Variants in PTPRT observed in about 807,000 individuals in gnomAD.
PTPRT encodes the protein receptor-type tyrosine-protein phosphatase T.
In PTPRT, 56 loss-of-function variants were observed where a neutral mutation model predicts 176.8. The observed-to-expected ratio is 0.32, with a 90% CI of 0.26 to 0.40. PTPRT has a LOEUF of 0.40. Among genes scored for constraint, PTPRT ranks in the 10% least tolerant of loss-of-function variants. PTPRT has a pLI of 1.00. For synonymous variants in PTPRT, 783 were observed against 739.0 expected, an observed-to-expected ratio of 1.06 and a Z score of -0.96; for missense variants, 1,540 against 1,908.2, an observed-to-expected ratio of 0.81 and a Z score of 3.60.
At chr20:42,696,529 CA>C (rs1426171374) in intron 6 of PTPRT, among the ~76,000 whole-genome samples, 1 of 150,838 alleles carries the variant, frequency 6.6e-6, no homozygotes, top group East Asian at 2.0e-4. Context: ...GATCTCGGCT[CA>C]CTGCAAGCTC....
intron 16 of PTPRT, among the ~76,000 whole-genome samples, chr20:42,182,812 G>A (rs547562538): frequency 3.3e-5 from 5 of 152,108 alleles, no homozygotes; most frequent in African/African-American, 1.2e-4. Context: ...TTTCAAGAAT[G>A]GAATGCCGTA....
intron 9 of PTPRT, among the ~76,000 whole-genome samples, chr20:42,405,123 C>A (rs1229673844): frequency 6.6e-6 from 1 of 150,520 alleles, no homozygotes; most frequent in East Asian, 1.9e-4. Context: ...ACAAATTGTT[C>A]ATTTGGCTAA....
chr20:42,319,249 C>T (rs1177886108), intron 11 of PTPRT, among the ~76,000 whole-genome samples: 1 of 147,394 alleles, frequency 6.8e-6, no homozygotes, highest in African/African-American at 2.6e-5. Context: ...TCATTCATAG[C>T]TCAGTATCCT....
At chr20:42,592,432 T>G (rs2073596539) in intron 7 of PTPRT, among the ~76,000 whole-genome samples, 1 of 152,148 alleles carries the variant, frequency 6.6e-6, no homozygotes, top group African/African-American at 2.4e-5. Flanking sequence ...AGGAACAAAA[T>G]GAAAGCATCA....
chr20:43,114,646 G>C (rs182096929), intron 1 of PTPRT, among the ~76,000 whole-genome samples: 2 of 152,222 alleles, frequency 1.3e-5, no homozygotes, highest in Non-Finnish European at 2.9e-5. Flanking sequence ...ATATTATAGA[G>C]AACATTTGGC....
intron 7 of PTPRT, among the ~76,000 whole-genome samples, chr20:42,664,317 CA>C (rs2075276452): frequency 6.6e-6 from 1 of 152,142 alleles, no homozygotes; most frequent in African/African-American, 2.4e-5. Flanking sequence ...TTTCCCACAC[CA>C]GTTTACTAAC....
At chr20:42,554,564 A>C (rs527266362) in intron 7 of PTPRT, among the ~76,000 whole-genome samples, 11 of 152,166 alleles carry the variant, frequency 7.2e-5, no homozygotes, top group Admixed American at 1.3e-4. Flanking sequence ...GGGATGAATA[A>C]ATATTTAAAA....
chr20:42,346,603 G>C (rs1015917268), intron 11 of PTPRT, among the ~76,000 whole-genome samples: 2 of 151,702 alleles, frequency 1.3e-5, no homozygotes, highest in Non-Finnish European at 2.9e-5. Context: ...AGGGATGAGG[G>C]TGCGGGAGCC....
At chr20:42,129,246 TC>T (rs1402233393) in intron 18 of PTPRT, among the ~76,000 whole-genome samples, 1 of 152,244 alleles carries the variant, frequency 6.6e-6, no homozygotes, top group Non-Finnish European at 1.5e-5. Flanking sequence ...TTACCTATCT[TC>T]CACACATGCA....
intron 7 of PTPRT, among the ~76,000 whole-genome samples, chr20:42,597,706 A>G (rs897421255): frequency 6.6e-6 from 1 of 152,180 alleles, no homozygotes; most frequent in Non-Finnish European, 1.5e-5. Flanking sequence ...TGCTTCCTGT[A>G]CAGCCTGTGG....
In PTPRT at chr20:42,443,090, A is replaced by T. The variant is rs6016795; in HGVS notation, c.1560+5130T>A. On this transcript the variant is annotated intron_variant, in intron 9 of 30. Transcript: ENST00000373187. ...TATTCCTGATGTAAATATTGTTTAG[A>T]CGTCAGGTGAGCAGGAATATTCCTT... Among the ~76,000 whole-genome samples the T allele has an allele frequency of 9.3e-3, 1,410 of 152,306 alleles. 22 individuals carry two copies. The highest frequency in any genetic ancestry group is 0.031 in the African/African-American group (1,291 of 41,568).
chr20:42,952,090 C>T (rs1455745721), intron 1 of PTPRT, among the ~76,000 whole-genome samples: 1 of 152,202 alleles, frequency 6.6e-6, no homozygotes, highest in East Asian at 1.9e-4. Flanking sequence ...GACTCAAAGG[C>T]ATAGCAGGGC....
intron 1 of PTPRT, among the ~76,000 whole-genome samples, chr20:43,061,046 G>A (rs1987435732): frequency 1.3e-5 from 2 of 151,820 alleles, no homozygotes; most frequent in Non-Finnish European, 2.9e-5. Context: ...GTAGGTAGGT[G>A]GGTAAGTAGG....
chr20:42,496,495 A>G (rs1357660075), intron 7 of PTPRT, among the ~76,000 whole-genome samples: 1 of 152,068 alleles, frequency 6.6e-6, no homozygotes, highest in Non-Finnish European at 1.5e-5. Context: ...CGCTCCTTCT[A>G]TGTCTTTCCT....
At chr20:43,028,056 T>C (rs1402200513) in intron 1 of PTPRT, among the ~76,000 whole-genome samples, 3 of 152,210 alleles carry the variant, frequency 2.0e-5, no homozygotes, top group South Asian at 2.1e-4. Context: ...TTGTTTTTAA[T>C]GAAACATAAA....
chr20:42,110,285 C>G, intron 23 of PTPRT, 48 bp downstream of exon 23: 1 of 1,539,354 alleles, frequency 6.5e-7, no homozygotes, highest in Non-Finnish European at 8.8e-7. Context: ...CTCCTGACCT[C>G]GTGATCTGCC....
At chr20:42,430,603 A>C (rs2059207677) in intron 9 of PTPRT, among the ~76,000 whole-genome samples, 1 of 152,110 alleles carries the variant, frequency 6.6e-6, no homozygotes, top group African/African-American at 2.4e-5. Context: ...GAACTGTAGA[A>C]ACCTGGCTGC....
At chr20:42,268,819 T>A (rs1157092282) in intron 13 of PTPRT, among the ~76,000 whole-genome samples, 1 of 152,204 alleles carries the variant, frequency 6.6e-6, no homozygotes, top group East Asian at 1.9e-4. Context: ...AACTTGCCCA[T>A]AGTGGATGCT....
chr20:42,263,764 A>G (rs188373582), intron 13 of PTPRT, among the ~76,000 whole-genome samples: 75 of 151,412 alleles, frequency 5.0e-4, no homozygotes, highest in Non-Finnish European at 9.7e-4. Flanking sequence ...GGCTCAAACA[A>G]TTCACTGACT....
Sources: allele counts gnomAD v4.1 joint callset (sites outside exome capture counted in the v4.1 genomes callset), GRCh38; gene constraint gnomAD v4.1.1; transcripts MANE v1.5; gene names NCBI Gene and HGNC (gene_info 2026-07-23, HGNC 2026-07-21).